TRPM6: variants seen among roughly 807,000 people sequenced by gnomAD.
The protein encoded by TRPM6 is transient receptor potential cation channel subfamily M member 6, also known as channel kinase 2.
In TRPM6, 111 loss-of-function variants were observed where a neutral mutation model predicts 247.6. The observed-to-expected ratio is 0.45, with a 90% CI of 0.38 to 0.52. The LOEUF is 0.52. Ranked by LOEUF, TRPM6 falls within the 20% of genes least tolerant of loss-of-function variation. The pLI is 0.00. For synonymous variants in TRPM6, 892 were observed against 853.8 expected, an observed-to-expected ratio of 1.04 and a Z score of -0.78; for missense variants, 2,126 against 2,421.5, an observed-to-expected ratio of 0.88 and a Z score of 2.56.
intron 6 of TRPM6, among the ~76,000 whole-genome samples, chr9:74,828,416 C>G (rs1422450960): frequency 1.3e-5 from 2 of 152,014 alleles, no homozygotes; most frequent in Non-Finnish European, 2.9e-5. Context: ...TCTGTGGTAT[C>G]AATTTTTTAA....
chr9:74,765,654 G>T (rs990494704), intron 25 of TRPM6, among the ~76,000 whole-genome samples: 2 of 152,162 alleles, frequency 1.3e-5, no homozygotes, highest in Non-Finnish European at 2.9e-5. Context: ...CTCTTATCTG[G>T]GGGCAGGGAG....
chr9:74,775,860 C>T (rs760930063), intron 24 of TRPM6, 23 bp downstream of exon 24: 1 of 1,613,254 alleles, frequency 6.2e-7, no homozygotes, highest in South Asian at 1.1e-5. Flanking sequence ...TCTCTTTCTC[C>T]TGCCTCACAT....
intron 1 of TRPM6, chr9:74,875,285 G>A (rs751204207): frequency 2.9e-5 from 13 of 454,244 alleles, no homozygotes; most frequent in South Asian, 2.0e-4. Context: ...ACTCACGCCT[G>A]TAATCCCAGC....
At chr9:74,778,851 C>G (rs144326096) in intron 23 of TRPM6, among the ~76,000 whole-genome samples, 2 of 152,096 alleles carry the variant, frequency 1.3e-5, no homozygotes, top group Admixed American at 1.3e-4. Flanking sequence ...CACCCAACCT[C>G]GAGTGTACAC....
chr9:74,772,242 C>T (rs1283969630), intron 24 of TRPM6, among the ~76,000 whole-genome samples: 1 of 152,226 alleles, frequency 6.6e-6, no homozygotes, highest in Non-Finnish European at 1.5e-5. Context: ...CACGCCACTA[C>T]ACTCCAGCAT....
intron 21 of TRPM6, 148 bp downstream of exon 21, chr9:74,785,726 T>C (rs1479422464): frequency 3.3e-5 from 29 of 880,564 alleles, no homozygotes; most frequent in South Asian, 2.7e-4. Flanking sequence ...GGTTTCACCC[T>C]GTTAGCCAGG....
At chr9:74,849,201 A>C (rs909618758) in intron 3 of TRPM6, among the ~76,000 whole-genome samples, 2 of 152,200 alleles carry the variant, frequency 1.3e-5, no homozygotes, top group Middle Eastern at 3.4e-3. Context: ...AATACAAAAA[A>C]TTAGCCAGGT....
At chr9:74,743,097 T>C (rs541202264) in intron 32 of TRPM6, among the ~76,000 whole-genome samples, 128 of 152,334 alleles carry the variant, frequency 8.4e-4, no homozygotes, top group African/African-American at 3.1e-3. Context: ...ATTTTCCTGT[T>C]AAGAGCTATA....
At chr9:74,862,298 G>A (rs1037131525) in intron 1 of TRPM6, among the ~76,000 whole-genome samples, 1 of 152,162 alleles carries the variant, frequency 6.6e-6, no homozygotes, top group Non-Finnish European at 1.5e-5. Flanking sequence ...CACCAAGTGT[G>A]CTAGCTTCTG....
At chr9:74,871,495 A>G (rs754920668) in intron 1 of TRPM6, among the ~76,000 whole-genome samples, 5 of 152,148 alleles carry the variant, frequency 3.3e-5, no homozygotes, top group Non-Finnish European at 4.4e-5. Context: ...GCTGACCAGT[A>G]TTCCCTAATA....
chr9:74,810,200 G>A (rs1397068839), intron 13 of TRPM6, among the ~76,000 whole-genome samples: 1 of 152,066 alleles, frequency 6.6e-6, no homozygotes, highest in Admixed American at 6.6e-5. Flanking sequence ...CACTGGTAAT[G>A]GAAAGAAAAG....
intron 3 of TRPM6, among the ~76,000 whole-genome samples, chr9:74,845,078 T>C (rs1830063729): frequency 6.6e-6 from 1 of 152,172 alleles, no homozygotes; most frequent in African/African-American, 2.4e-5. Context: ...ATTACAATAG[T>C]GACATCAAAG....
chr9:74,734,190 T>C (rs557934675), intron 36 of TRPM6, among the ~76,000 whole-genome samples: 3 of 152,270 alleles, frequency 2.0e-5, no homozygotes, highest in South Asian at 2.1e-4. Context: ...CCAGTAAGAT[T>C]TGGGCACAAT....
chr9:74,775,772 A>T, intron 24 of TRPM6, 111 bp downstream of exon 24: 1 of 1,070,846 alleles, frequency 9.3e-7, no homozygotes, highest in Non-Finnish European at 1.4e-6. Context: ...ATTGTCAGGG[A>T]ACTCCCAGAG....
At chr9:74,847,522 G>A (rs1375467540) in intron 3 of TRPM6, among the ~76,000 whole-genome samples, 8 of 152,078 alleles carry the variant, frequency 5.3e-5, no homozygotes, top group Admixed American at 5.2e-4. Flanking sequence ...TCTGATGGTA[G>A]TAGGTTATCA....
In TRPM6 at chr9:74,801,957, A is replaced by C; in HGVS notation, c.1950T>G (p.His650Gln). 1 of 1,614,250 alleles carries C rather than the reference A, an allele frequency of 6.2e-7. No individual in the cohort carries two copies. ...CCACCATGTGACTCTCCTTAGCTTCATGGGCCATTGCCCGGTAGAGGATAC... is the reference window on the plus strand; with the variant it reads ...CCACCATGTGACTCTCCTTAGCTTCCTGGGCCATTGCCCGGTAGAGGATAC... ...IACILYRAMA[H>Q]EAKESHMVDD... The change falls in exon 16 of 39, where the codon CAT (histidine) becomes CAG (glutamine). Residue 650 changes from histidine to glutamine, a missense_variant. Physicochemically the swap from His to Gln is conservative, Grantham distance 24 (BLOSUM62 0). Transcript: ENST00000360774.
At chr9:74,886,655 T>C (rs1043258340) in intron 1 of TRPM6, among the ~76,000 whole-genome samples, 6 of 152,196 alleles carry the variant, frequency 3.9e-5, no homozygotes, top group African/African-American at 1.2e-4. Context: ...TTGGACTTTA[T>C]AGGATTACTG....
Position 74,771,797 on chromosome 9 carries a change from C to A in TRPM6, c.3442G>T (p.Asp1148Tyr). Residue 1148 changes from aspartate (D) to tyrosine (Y), a missense_variant, in exon 25 of 39, where the codon GAT becomes TAT. Asp to Tyr is a radical substitution (Grantham distance 160). This residue lies in a region of TRPM6 where 717 missense variants were observed against 715.9 expected (regional missense o/e 1.00). Coordinates refer to ENST00000360774, the MANE Select transcript of TRPM6 (RefSeq NM_017662.5). ...TTTTCCACGCACTGCTCCTCAAAAT[C>A]ATGAAGTTTTTTCAGATCCTCCTTA... ...LSKEDLKKLH[D>Y]FEEQCVEKYF... The A allele has an allele frequency of 6.2e-7, 1 of 1,613,872 alleles. No individual in the cohort carries two copies. The highest frequency in any genetic ancestry group is 8.5e-7 in the Non-Finnish European group (1 of 1,179,836).
intron 12 of TRPM6, 141 bp from the exon 13 acceptor site, chr9:74,811,009 T>C: frequency 1.5e-6 from 1 of 681,218 alleles, no homozygotes; most frequent in South Asian, 1.8e-5. Context: ...TTAAGCCAAT[T>C]AATTCTAAAG....
Sources: allele counts gnomAD v4.1 joint callset (sites outside exome capture counted in the v4.1 genomes callset), GRCh38; gene constraint gnomAD v4.1.1; regional missense constraint gnomAD v4.1.1; transcripts MANE v1.5; gene names NCBI Gene and HGNC (gene_info 2026-07-23, HGNC 2026-07-21).